Variants in NTRK2 observed in about 807,000 individuals in gnomAD.
NTRK2 encodes the protein neurotrophic receptor tyrosine kinase 2, also known as BDNF/NT-3 growth factors receptor.
Under a neutral mutation model 94.5 loss-of-function variants are expected in NTRK2, and 13 were observed. That is an observed-to-expected ratio of 0.14 (90% CI 0.09 to 0.22). NTRK2 has a LOEUF of 0.22. NTRK2 is among the 10% of genes least tolerant of loss of function. The pLI, the probability that NTRK2 is intolerant of heterozygous loss-of-function variation, is 1.00. For synonymous variants in NTRK2, 372 were observed against 407.4 expected (o/e 0.91, Z 1.05); for missense variants, 639 against 1,071.2 (o/e 0.60, Z 5.63).
chr9:84,704,385 C>T (rs937796122), intron 4 of NTRK2, among the ~76,000 whole-genome samples: 3 of 150,606 alleles, frequency 2.0e-5, no homozygotes, highest in Admixed American at 6.6e-5. Flanking sequence ...CCTGCCACCA[C>T]GCCAGGCTAA....
intron 12 of NTRK2, among the ~76,000 whole-genome samples, chr9:84,794,530 C>T (rs2069074336): frequency 6.6e-6 from 1 of 152,198 alleles, no homozygotes; most frequent in Non-Finnish European, 1.5e-5. Flanking sequence ...TACTTATCAT[C>T]TCAGCGGTTT....
At chr9:84,753,161 G>C (rs2064786907) in intron 12 of NTRK2, among the ~76,000 whole-genome samples, 1 of 152,078 alleles carries the variant, frequency 6.6e-6, no homozygotes, top group Non-Finnish European at 1.5e-5. Context: ...GTAAATTGGG[G>C]CTTAAAATAA....
chr9:84,809,939 T>TAGTATTTC (rs946520931), intron 12 of NTRK2, among the ~76,000 whole-genome samples: 8 of 150,988 alleles, frequency 5.3e-5, no homozygotes, highest in African/African-American at 1.9e-4. Context: ...TTGTATTGTC[T>TAGTATTTC]AGTATTTCAC....
chr9:84,876,282 G>C, intron 14 of NTRK2: 1 of 1,045,842 alleles, frequency 9.6e-7, no homozygotes, highest in South Asian at 4.6e-5. Context: ...CCACTTTAGG[G>C]AATGCCTTTA....
rs1381619803 is a variant in NTRK2, at chr9:84,873,071, G to A, written c.1633+5640G>A. ...AAGCTCATTAGATCAAAGAGTGCGGGGCCCCTCAGAGTTACCAGAGATTAT... is the reference window on the plus strand; with the variant it reads ...AAGCTCATTAGATCAAAGAGTGCGGAGCCCCTCAGAGTTACCAGAGATTAT... On this transcript the variant is annotated intron_variant, in intron 14 of 18. Coordinates refer to ENST00000277120, the MANE Select transcript of NTRK2 (RefSeq NM_006180.6). 9 of 1,064,100 alleles carry A rather than the reference G, an allele frequency of 8.5e-6. No homozygotes were observed. In the East Asian group the frequency reaches 4.0e-4, roughly 47 times the overall value. The allele number at this position is 1,064,100 out of a possible 1,614,324, so 65.9% of individuals were successfully genotyped here.
At chr9:84,805,104 C>T (rs2070957906) in intron 12 of NTRK2, among the ~76,000 whole-genome samples, 1 of 152,196 alleles carries the variant, frequency 6.6e-6, no homozygotes, top group African/African-American at 2.4e-5. Context: ...CACTTGTCAT[C>T]AGAGCCTGCT....
At chr9:84,974,615 A>G (rs1035251114) in intron 17 of NTRK2, among the ~76,000 whole-genome samples, 2 of 152,196 alleles carry the variant, frequency 1.3e-5, no homozygotes, top group African/African-American at 4.8e-5. Flanking sequence ...TATTTGTCCA[A>G]CATGGAGACT....
At chr9:84,801,058 A>C (rs1378518229) in intron 12 of NTRK2, among the ~76,000 whole-genome samples, 1 of 152,248 alleles carries the variant, frequency 6.6e-6, no homozygotes, top group Admixed American at 6.5e-5. Context: ...GAGCTACTGC[A>C]GGCAGGGTTG....
At chr9:84,931,663 C>T (rs2078034699) in intron 14 of NTRK2, among the ~76,000 whole-genome samples, 1 of 133,918 alleles carries the variant, frequency 7.5e-6, no homozygotes, top group Non-Finnish European at 1.6e-5. Flanking sequence ...TATTTTCCAC[C>T]AAATTTTTCT....
At chr9:84,814,988 G>A in intron 12 of NTRK2, 4 of 1,059,512 alleles carry the variant, frequency 3.8e-6, no homozygotes, top group South Asian at 4.6e-5. Flanking sequence ...GGAAGATTAA[G>A]GACTCTTTTG....
At chr9:84,833,015 C>T (rs2073657667) in intron 12 of NTRK2, among the ~76,000 whole-genome samples, 1 of 150,896 alleles carries the variant, frequency 6.6e-6, no homozygotes, top group Non-Finnish European at 1.5e-5. Context: ...CAGAGGAGCC[C>T]ACAGCTGAGG....
At chr9:84,736,928 C>T (rs2063302017) in intron 9 of NTRK2, among the ~76,000 whole-genome samples, 1 of 152,160 alleles carries the variant, frequency 6.6e-6, no homozygotes, top group Non-Finnish European at 1.5e-5. Flanking sequence ...AGAGAAGAAC[C>T]TGAAAATCAA....
intron 9 of NTRK2, among the ~76,000 whole-genome samples, chr9:84,741,066 T>G (rs951985951): frequency 2.6e-5 from 4 of 152,222 alleles, no homozygotes; most frequent in African/African-American, 9.6e-5. Flanking sequence ...CCAAGTAGAC[T>G]TTCATGTAGA....
At chr9:84,788,779 GGCTTCCTCA>G (rs913488192) in intron 12 of NTRK2, among the ~76,000 whole-genome samples, 2 of 152,002 alleles carry the variant, frequency 1.3e-5, no homozygotes, top group African/African-American at 2.4e-5. Flanking sequence ...GGTAGAAGAG[GGCTTCCTCA>G]GCTTTGCGAG....
intron 14 of NTRK2, among the ~76,000 whole-genome samples, chr9:84,898,465 AT>A (rs1410015772): frequency 6.6e-6 from 1 of 152,096 alleles, no homozygotes; most frequent in African/African-American, 2.4e-5. Context: ...AAAGAGGGTT[AT>A]CTAGTGTTTT....
At chr9:84,825,720 G>A (rs1336794042) in intron 12 of NTRK2, among the ~76,000 whole-genome samples, 1 of 152,186 alleles carries the variant, frequency 6.6e-6, no homozygotes, top group Non-Finnish European at 1.5e-5. Context: ...TGCACACAGA[G>A]TGGCACCTTC....
intron 14 of NTRK2, among the ~76,000 whole-genome samples, chr9:84,903,288 C>T (rs1027199212): frequency 6.6e-6 from 1 of 152,200 alleles, no homozygotes; most frequent in Non-Finnish European, 1.5e-5. Flanking sequence ...CAACAAAAGT[C>T]TCCAGGTAAA....
intron 12 of NTRK2, among the ~76,000 whole-genome samples, chr9:84,842,136 A>G (rs2074222532): frequency 1.3e-5 from 2 of 152,180 alleles, no homozygotes; most frequent in South Asian, 4.1e-4. Flanking sequence ...CCAGTCTTGC[A>G]TACCATTACA....
chr9:84,951,683 T>C (rs889752430), intron 16 of NTRK2, among the ~76,000 whole-genome samples: 1 of 152,182 alleles, frequency 6.6e-6, no homozygotes, highest in Non-Finnish European at 1.5e-5. Context: ...TGTGGAGCAA[T>C]TGGAAACCTA....
Sources: gnomAD v4.1 joint callset for allele counts (sites outside exome capture counted in the v4.1 genomes callset) on GRCh38, gnomAD v4.1.1 for gene constraint, MANE v1.5 for transcripts, NCBI Gene and HGNC (gene_info 2026-07-23, HGNC 2026-07-21) for gene names.